Variants in SRGAP3 observed in about 807,000 individuals in gnomAD.
The protein encoded by SRGAP3 is SLIT-ROBO Rho GTPase-activating protein 3.
In SRGAP3, 39 loss-of-function variants were observed where a neutral mutation model predicts 121.1. That is an observed-to-expected ratio of 0.32 (90% CI 0.25 to 0.42). The LOEUF is 0.42. Among genes scored for constraint, SRGAP3 ranks in the 10% least tolerant of loss-of-function variants. The pLI, the probability that SRGAP3 is intolerant of heterozygous loss-of-function variation, is 1.00. For missense variants in SRGAP3, 1,213 were observed against 1,470.6 expected, an observed-to-expected ratio of 0.82 and a Z score of 2.86; for synonymous variants, 601 against 570.0, an observed-to-expected ratio of 1.05 and a Z score of -0.77.
chr3:9,252,569 G>A (rs889172836), upstream of SRGAP3, among the ~76,000 whole-genome samples: 1 of 152,120 alleles, frequency 6.6e-6, no homozygotes, highest in Non-Finnish European at 1.5e-5. Flanking sequence ...AAAAAAAAGA[G>A]GAAAAGGTCT....
intron 7 of SRGAP3, among the ~76,000 whole-genome samples, chr3:9,057,493 A>G (rs898536806): frequency 1.3e-5 from 2 of 152,196 alleles, no homozygotes; most frequent in Admixed American, 1.3e-4. Context: ...GTAAGTGGGC[A>G]GAGCCATGCA....
chr3:9,207,287 C>T (rs1278606330), intron 1 of SRGAP3, among the ~76,000 whole-genome samples: 1 of 152,160 alleles, frequency 6.6e-6, no homozygotes, highest in Non-Finnish European at 1.5e-5. Flanking sequence ...CCCATGGTTT[C>T]TACTGTTTAG....
intron 1 of SRGAP3, among the ~76,000 whole-genome samples, chr3:9,197,517 TCA>T: frequency 6.6e-6 from 1 of 152,372 alleles, no homozygotes; most frequent in East Asian, 1.9e-4. Context: ...CTTGACAACT[TCA>T]CAGTTTGCAA....
chr3:9,155,157 G>A (rs1222548293), intron 1 of SRGAP3, among the ~76,000 whole-genome samples: 4 of 152,158 alleles, frequency 2.6e-5, no homozygotes, highest in East Asian at 3.9e-4. Flanking sequence ...CCTCACTCCC[G>A]AGTGCTAGTT....
chr3:8,985,497 G>A lies in SRGAP3; in HGVS notation c.*22C>T. On this transcript the variant is annotated 3_prime_UTR_variant, in exon 22 of 22. Coordinates refer to ENST00000383836, the MANE Select transcript of SRGAP3 (RefSeq NM_014850.4). This position sits in a 1 kb window ranked among gnomAD's most constrained non-coding sequence, Gnocchi z 5.1. ...CCGTGGTGAGCCACAGCGGGCCACG[G>A]CGGCGCGGCCCATCCTGCAGGTCAC... The A allele has an allele frequency of 6.3e-7, 1 of 1,597,928 alleles. No individual in the cohort carries two copies. Among genetic ancestry groups the A allele is most frequent in the Non-Finnish European group, 8.5e-7 (1 of 1,179,190 alleles).
At chr3:9,214,805 T>G (rs74843063) in intron 1 of SRGAP3, among the ~76,000 whole-genome samples, 9,108 of 152,192 alleles carry the variant, frequency 0.06, 381 homozygotes, top group East Asian at 0.17. Flanking sequence ...ATCCAAGAGT[T>G]GCAAAAAGAA....
chr3:9,306,503 G>C (rs1470551937), intron 3 of SRGAP3, among the ~76,000 whole-genome samples: 1 of 152,184 alleles, frequency 6.6e-6, no homozygotes, highest in Non-Finnish European at 1.5e-5. Context: ...CCTATGTCCT[G>C]AATGGTATTG....
In SRGAP3 at chr3:9,104,820, G is replaced by A. The variant is rs1948359286; in HGVS notation, c.283C>T (p.Pro95Ser). The stretch of plus-strand genomic sequence containing the variant: ...AGAACCAGATACCAACAGTTCACAG[G>A]CGAGAGGAGGTACTGGTCCTTCCTG... ...QFKKDQYLLS[P>S]VNCWYLVLHQ... The change falls in exon 3 of 22, where the codon CCT becomes TCT. Residue 95 changes from proline (P) to serine (S), a missense_variant. Physicochemically the swap from Pro to Ser is moderately conservative, Grantham distance 74. This residue lies in a region of SRGAP3 where 793 missense variants were observed against 1,032.9 expected (regional missense o/e 0.77). Coordinates refer to ENST00000383836, the MANE Select transcript of SRGAP3 (RefSeq NM_014850.4). 1.2e-6 allele frequency: 2 copies of A among 1,614,246 alleles called. No individual in the cohort carries two copies. The highest frequency in any genetic ancestry group is 1.3e-5 in the African/African-American group (1 of 75,070).
intron 18 of SRGAP3, among the ~76,000 whole-genome samples, chr3:8,994,754 A>G (rs1430693905): frequency 6.6e-6 from 1 of 152,204 alleles, no homozygotes; most frequent in East Asian, 1.9e-4. Flanking sequence ...GTAAAGAGGG[A>G]GCTGATACAT....
intron 1 of SRGAP3, among the ~76,000 whole-genome samples, chr3:9,182,842 A>G (rs1368335693): frequency 6.6e-6 from 1 of 151,882 alleles, no homozygotes. Flanking sequence ...AATTTTATAG[A>G]GATGGAGGTC....
intron 3 of SRGAP3, among the ~76,000 whole-genome samples, chr3:9,097,455 AG>A (rs898485671): frequency 3.3e-5 from 5 of 152,312 alleles, no homozygotes; most frequent in Admixed American, 2.0e-4. Context: ...CTCACACAGC[AG>A]GAAAGTGGCA....
chr3:9,284,249 C>A (rs1278832040), intron 3 of SRGAP3, among the ~76,000 whole-genome samples: 3 of 152,152 alleles, frequency 2.0e-5, no homozygotes, highest in Admixed American at 2.0e-4. Context: ...TATTTCTTAT[C>A]TCATGACATA....
chr3:9,271,945 G>C (rs554304629), intron 3 of SRGAP3, among the ~76,000 whole-genome samples: 13 of 152,140 alleles, frequency 8.5e-5, no homozygotes, highest in South Asian at 2.1e-4. Flanking sequence ...AATTATAGTC[G>C]TTCTGGAATA....
At chr3:9,271,573 C>A (rs1457014624) in intron 3 of SRGAP3, among the ~76,000 whole-genome samples, 2 of 152,160 alleles carry the variant, frequency 1.3e-5, no homozygotes, top group Non-Finnish European at 2.9e-5. Flanking sequence ...TCCAAGCCTG[C>A]CACCCTCACT....
At chr3:9,007,479 A>G (rs1943137908) in intron 18 of SRGAP3, 1 of 152,184 alleles carries the variant, frequency 6.6e-6, no homozygotes, top group South Asian at 2.1e-4. Flanking sequence ...CCTAAATGAA[A>G]TGTCTAAGAG....
intron 3 of SRGAP3, among the ~76,000 whole-genome samples, chr3:9,289,051 C>G (rs942610595): frequency 6.6e-6 from 1 of 152,152 alleles, no homozygotes; most frequent in African/African-American, 2.4e-5. Context: ...CATGCGCCAT[C>G]AAGCCTGGCT....
intron 1 of SRGAP3, among the ~76,000 whole-genome samples, chr3:9,246,296 A>G (rs1322590936): frequency 6.6e-6 from 1 of 152,218 alleles, no homozygotes; most frequent in Non-Finnish European, 1.5e-5. Context: ...CACTGGCCAG[A>G]TGATTCCCAG....
chr3:9,086,823 A>G (rs971143504), intron 3 of SRGAP3, among the ~76,000 whole-genome samples: 6 of 130,202 alleles, frequency 4.6e-5, no homozygotes, highest in African/African-American at 1.6e-4. Context: ...ACATATACAT[A>G]TAGGTATAGT....
chr3:9,074,284 G>C (rs1946855539), intron 4 of SRGAP3, among the ~76,000 whole-genome samples: 2 of 152,130 alleles, frequency 1.3e-5, no homozygotes, highest in South Asian at 4.1e-4. Flanking sequence ...AATGACTCAG[G>C]ACTCAGGTTT....
Sources: gnomAD v4.1 joint callset for allele counts (sites outside exome capture counted in the v4.1 genomes callset) on GRCh38, gnomAD v4.1.1 for gene constraint, gnomAD v4.1.1 regional missense constraint, Gnocchi (gnomAD v3.1) non-coding constraint, MANE v1.5 for transcripts, NCBI Gene and HGNC (gene_info 2026-07-23, HGNC 2026-07-21) for gene names.